The following LARS1 variants were observed in gnomAD, a reference collection of about 807,000 sequenced individuals.
LARS1 encodes the protein leucine--tRNA ligase, cytoplasmic.
A neutral mutation model predicts 162.8 loss-of-function variants in LARS1; 100 were observed. The ratio of observed to expected loss-of-function variants is 0.61; its 90% CI spans 0.52 to 0.73. The LOEUF is 0.73. Ranked by LOEUF, LARS1 falls within the 30% of genes least tolerant of loss-of-function variation. The pLI, the probability that LARS1 is intolerant of heterozygous loss-of-function variation, is 0.00. For missense variants in LARS1, 1,258 were observed against 1,408.9 expected, an observed-to-expected ratio of 0.89 and a Z score of 1.71; for synonymous variants, 457 against 462.8, an observed-to-expected ratio of 0.99 and a Z score of 0.16.
At chr5:146,139,943 C>A (rs1752697635) in intron 21 of LARS1, among the ~76,000 whole-genome samples, 1 of 147,046 alleles carries the variant, frequency 6.8e-6, no homozygotes, top group Non-Finnish European at 1.5e-5. Context: ...AGGTTTTTAA[C>A]TCTGATTAAT....
chr5:146,181,878 T>TTTTTTTTTTTTTC (rs1188192939), intron 1 of LARS1, among the ~76,000 whole-genome samples: 1 of 122,916 alleles, frequency 8.1e-6, no homozygotes, highest in Non-Finnish European at 1.7e-5. Context: ...TTTTTTTTTT[T>TTTTTTTTTTTTTC]TGCTGTAAGT....
intron 27 of LARS1, among the ~76,000 whole-genome samples, chr5:146,128,432 TTCA>T (rs1288880703): frequency 4.6e-5 from 7 of 152,142 alleles, no homozygotes; most frequent in Non-Finnish European, 1.0e-4. Context: ...TTTGATTACA[TTCA>T]ACTAGATCCA....
chr5:146,160,882 T>C (rs759269618), intron 6 of LARS1, among the ~76,000 whole-genome samples: 18 of 152,184 alleles, frequency 1.2e-4, no homozygotes, highest in Non-Finnish European at 2.1e-4. Context: ...ATGAGACCCA[T>C]AGGCAATGTT....
chr5:146,126,001 A>AT (rs1211861218), intron 28 of LARS1, among the ~76,000 whole-genome samples: 2 of 152,018 alleles, frequency 1.3e-5, no homozygotes, highest in African/African-American at 4.8e-5. Flanking sequence ...CACAAGAACT[A>AT]TCTAGCCCAA....
intron 29 of LARS1, 33 bp downstream of exon 29, chr5:146,123,949 T>A (rs752785865): frequency 8.8e-7 from 1 of 1,137,730 alleles, no homozygotes; most frequent in East Asian, 2.4e-5. Context: ...TTAACTACAG[T>A]TAACTGGTTA....
At chr5:146,180,307 C>T (rs924158782) in intron 1 of LARS1, among the ~76,000 whole-genome samples, 2 of 151,974 alleles carry the variant, frequency 1.3e-5, no homozygotes, top group East Asian at 1.9e-4. Flanking sequence ...CCAAGGTGGG[C>T]GGATCACTTG....
rs573105555 is a variant in LARS1, at chr5:146,128,424, TG to T, written c.2880+247del. ...CACATATGAAAACCCCCAATTCTTT[TG>T]ATTACATTCAACTAGATCCAATGTA... is the stretch of plus-strand genomic sequence containing the variant. On this transcript the variant is annotated intron_variant, in intron 27 of 31. Transcript: ENST00000394434. Among the ~76,000 whole-genome samples the T allele has an allele frequency of 2.1e-3, 320 of 152,266 alleles. 1 individual carries two copies. Among genetic ancestry groups the T allele is most frequent in the African/African-American group, 7.4e-3 (307 of 41,558 alleles).
intron 24 of LARS1, 36 bp from the exon 25 acceptor site, chr5:146,130,194 C>A (rs765522441): frequency 6.3e-7 from 1 of 1,592,498 alleles, no homozygotes; most frequent in African/African-American, 1.4e-5. Context: ...TTTCCCTCAC[C>A]TTCTTTAAAA....
At chr5:146,149,031 C>T (rs1482732197) in intron 15 of LARS1, among the ~76,000 whole-genome samples, 4 of 151,886 alleles carry the variant, frequency 2.6e-5, no homozygotes, top group African/African-American at 4.8e-5. Flanking sequence ...GCTGAGATCG[C>T]GCCATTGCAT....
intron 20 of LARS1, 80 bp from the exon 21 acceptor site, chr5:146,140,341 A>C: frequency 9.4e-7 from 1 of 1,067,950 alleles, no homozygotes. Context: ...GGTAAAAGCT[A>C]ATAGACTCAT....
chr5:146,168,261 C>T lies in LARS1; in HGVS notation c.299G>A (p.Cys100Tyr). The part of the protein sequence containing the change: ...LHCTGMPIKA[C>Y]ADKLKREIEL... Reference sequence around the variant, plus strand: ...TATTTCTCTTTTCAACTTATCAGCACATGCCTACAACGAATATTAGAGATA... The same window carrying T: ...TATTTCTCTTTTCAACTTATCAGCATATGCCTACAACGAATATTAGAGATA... Residue 100 changes from cysteine (C) to tyrosine (Y), a missense_variant, in exon 5 of 32, where the codon TGT becomes TAT. Transcript: ENST00000394434. The T allele has an allele frequency of 6.2e-7, 1 of 1,607,186 alleles. No homozygotes were observed.
At chr5:146,129,261 T>C in intron 25 of LARS1, 143 bp from the exon 26 acceptor site, 1 of 601,642 alleles carries the variant, frequency 1.7e-6, no homozygotes, top group Non-Finnish European at 2.7e-6. Context: ...ATAACACACT[T>C]GCACAGCCCC....
chr5:146,162,276 T>A (rs184565810), intron 6 of LARS1, among the ~76,000 whole-genome samples: 194 of 152,318 alleles, frequency 1.3e-3, no homozygotes, highest in Middle Eastern at 6.8e-3. Flanking sequence ...TAAGAAGACC[T>A]ACAAGTCAAA....
chr5:146,182,538 C>A lies in LARS1; in HGVS notation c.-45G>T, dbSNP rs765517790. The A allele has an allele frequency of 1.2e-6, 2 of 1,613,932 alleles. No individual in the cohort carries two copies. Among genetic ancestry groups the A allele is most frequent in the South Asian group, 2.2e-5 (2 of 91,066 alleles). The stretch of plus-strand genomic sequence containing the variant: ...TGCAAATCCACGACAATGACCCTGG[C>A]GACCTCCACAAAGGAGTGGTTACCT... On this transcript the variant is annotated 5_prime_UTR_variant, in exon 1 of 32. Transcript: ENST00000394434.
intron 22 of LARS1, among the ~76,000 whole-genome samples, chr5:146,134,628 G>GT (rs1561805371): frequency 6.6e-6 from 1 of 152,136 alleles, no homozygotes; most frequent in Non-Finnish European, 1.5e-5. Context: ...AAAAATCAAT[G>GT]TTCCCAGGTT....
intron 15 of LARS1, 87 bp from the exon 16 acceptor site, chr5:146,144,796 T>C: frequency 2.5e-6 from 3 of 1,177,904 alleles, no homozygotes; most frequent in Non-Finnish European, 3.7e-6. Context: ...AAAAAAATGC[T>C]ATACCACCAA....
At chr5:146,129,936 T>C (rs1274640520) in intron 25 of LARS1, 82 bp downstream of exon 25, 7 of 1,399,202 alleles carry the variant, frequency 5.0e-6, no homozygotes, top group Non-Finnish European at 6.9e-6. Flanking sequence ...ACTTTCTCTC[T>C]TAAGTAACAA....
Position 146,177,669 on chromosome 5 carries a change from T to C in LARS1, c.7-4A>G, listed in dbSNP as rs1198421562. On this transcript the variant is annotated splice_region_variant and splice_polypyrimidine_tract_variant and intron_variant, in intron 1 of 31. Coordinates refer to ENST00000394434, the MANE Select transcript of LARS1 (RefSeq NM_020117.11). ...CTTTGGCTGTTCCTTTTCTTTCCTA[T>C]TGGACACAAAGAGAATAATCCACTC... 6.7e-7 allele frequency: 1 copy of C among 1,486,132 alleles called. No homozygotes were observed. The highest frequency in any genetic ancestry group is 1.1e-5 in the South Asian group (1 of 87,256). 92.1% of individuals were successfully genotyped at this position (1,486,132 alleles called of 1,614,324 possible).
Position 146,129,037 on chromosome 5 carries a change from C to T in LARS1, c.2710G>A (p.Glu904Lys). The T allele has an allele frequency of 1.2e-6, 2 of 1,611,652 alleles. No homozygotes were observed. The highest frequency in any genetic ancestry group is 8.5e-7 in the Non-Finnish European group (1 of 1,178,324). ...VLIHSSQYLM[E>K]VTHDLRLRLK... ...CGTAGTCTAAGGTCATGTGTTACTT[C>T]CATAAGATACTGTGAGGAGTGTATT... Residue 904 changes from glutamate to lysine, a missense_variant, in exon 26 of 32, where the codon GAA becomes AAA. By Grantham distance (56) the Glu-to-Lys change is moderately conservative. Coordinates refer to ENST00000394434, the MANE Select transcript of LARS1 (RefSeq NM_020117.11).
Sources: allele counts gnomAD v4.1 joint callset (sites outside exome capture counted in the v4.1 genomes callset), GRCh38; gene constraint gnomAD v4.1.1; transcripts MANE v1.5; gene names NCBI Gene and HGNC (gene_info 2026-07-23, HGNC 2026-07-21).